Variants in SPAG16 observed in about 807,000 individuals in gnomAD.
SPAG16 encodes sperm associated antigen 16, also known as sperm-associated antigen 16 protein.
A neutral mutation model predicts 80.4 loss-of-function variants in SPAG16; 86 were observed. The ratio of observed to expected loss-of-function variants is 1.07; its 90% confidence interval spans 0.90 to 1.28. The LOEUF (loss-of-function observed/expected upper bound fraction) is 1.28. Ranked by LOEUF, SPAG16 falls within the 50% of genes most tolerant of loss-of-function variation. The pLI is 0.00. For missense variants in SPAG16, 870 were observed against 765.3 expected (o/e 1.14, Z -1.61); for synonymous variants, 294 against 265.9 (o/e 1.11, Z -1.03).
chr2:213,697,227 G>C (rs994744173), intron 10 of SPAG16, among the ~76,000 whole-genome samples: 3 of 152,320 alleles, frequency 2.0e-5, no homozygotes, highest in Non-Finnish European at 4.4e-5. Context: ...GGGTGGAAAA[G>C]AGGTAGGGCT....
chr2:214,000,286 C>T (rs529510120), intron 12 of SPAG16, among the ~76,000 whole-genome samples: 14 of 152,222 alleles, frequency 9.2e-5, no homozygotes, highest in Admixed American at 3.3e-4. Context: ...ATAAGTCTCA[C>T]GAGTTCTGAC....
chr2:213,416,338 T>G (rs17750829), intron 9 of SPAG16, among the ~76,000 whole-genome samples: 1,987 of 152,290 alleles, frequency 0.013, 21 homozygotes, highest in South Asian at 0.037. Context: ...AGGGACCAGA[T>G]CTTTGTATGA....
chr2:214,364,197 T>C (rs1226889940), intron 15 of SPAG16, among the ~76,000 whole-genome samples: 1 of 152,092 alleles, frequency 6.6e-6, no homozygotes, highest in Non-Finnish European at 1.5e-5. Flanking sequence ...TCTACTCTAC[T>C]ATAGTATCCC....
chr2:213,734,192 A>T (rs574470913), intron 10 of SPAG16, among the ~76,000 whole-genome samples: 1 of 152,310 alleles, frequency 6.6e-6, no homozygotes, highest in South Asian at 2.1e-4. Flanking sequence ...GGGAGGAAAG[A>T]ATTGCAAGGA....
intron 12 of SPAG16, among the ~76,000 whole-genome samples, chr2:213,961,433 G>A (rs2044412020): frequency 6.6e-6 from 1 of 151,846 alleles, no homozygotes; most frequent in African/African-American, 2.4e-5. Context: ...GTAGTGCAAT[G>A]TTGAATAGAA....
At chr2:213,315,517 T>C (rs1382568757) in intron 4 of SPAG16, among the ~76,000 whole-genome samples, 11 of 151,944 alleles carry the variant, frequency 7.2e-5, no homozygotes, top group African/African-American at 2.7e-4. Flanking sequence ...TCTCACATTT[T>C]AAAAAAGGAA....
intron 13 of SPAG16, among the ~76,000 whole-genome samples, chr2:214,042,009 C>T (rs192600972): frequency 0.44 from 42,165 of 95,720 alleles, 7,927 homozygotes; most frequent in East Asian, 0.61. Flanking sequence ...TATATATATA[C>T]ACACACACAC....
intron 11 of SPAG16, among the ~76,000 whole-genome samples, chr2:213,904,161 A>C (rs2106136934): frequency 6.6e-6 from 1 of 152,268 alleles, no homozygotes; most frequent in East Asian, 1.9e-4. Context: ...CCAGTTCCAA[A>C]GTCGGTTCCA....
At chr2:214,330,645 A>AT (rs1696851398) in intron 15 of SPAG16, among the ~76,000 whole-genome samples, 1 of 149,476 alleles carries the variant, frequency 6.7e-6, no homozygotes, top group African/African-American at 2.6e-5. Context: ...AGGGTTTGAA[A>AT]CTTTGACCCC....
chr2:213,894,566 C>G (rs1438960591), intron 11 of SPAG16, among the ~76,000 whole-genome samples: 3 of 152,088 alleles, frequency 2.0e-5, no homozygotes, highest in African/African-American at 7.2e-5. Context: ...CTTTACCACT[C>G]TTATTCAAAA....
chr2:213,361,029 T>C (rs2065949804), intron 7 of SPAG16, among the ~76,000 whole-genome samples: 2 of 152,102 alleles, frequency 1.3e-5, no homozygotes, highest in African/African-American at 2.4e-5. Flanking sequence ...TAAAGAAGGA[T>C]TGTATAATAA....
chr2:214,057,026 A>G (rs558860252), intron 13 of SPAG16, among the ~76,000 whole-genome samples: 2 of 152,236 alleles, frequency 1.3e-5, no homozygotes, highest in South Asian at 4.1e-4. Context: ...TATTTTCACC[A>G]CATTTGCAGT....
intron 10 of SPAG16, among the ~76,000 whole-genome samples, chr2:213,825,701 C>CTTTTTTTTTTTTTTTT (rs55777958): frequency 2.7e-3 from 291 of 109,676 alleles, no homozygotes; most frequent in Middle Eastern, 5.3e-3. Context: ...TTCTTTCTTT[C>CTTTTTTTTTTTTTTTT]TTTTTTTTTT....
At chr2:214,240,562 C>A (rs921394719) in intron 15 of SPAG16, 6 of 152,142 alleles carry the variant, frequency 3.9e-5, no homozygotes, top group Admixed American at 6.5e-5. Context: ...GAATGACAAT[C>A]AAGATAGAAG....
chr2:213,666,608 C>T (rs1456681246), intron 10 of SPAG16, among the ~76,000 whole-genome samples: 2 of 152,106 alleles, frequency 1.3e-5, no homozygotes, highest in East Asian at 3.8e-4. Context: ...TAAGCTTTGC[C>T]CTCACCCACT....
At chr2:214,020,817 A>C (rs1393959618) in intron 13 of SPAG16, among the ~76,000 whole-genome samples, 1 of 152,206 alleles carries the variant, frequency 6.6e-6, no homozygotes, top group Admixed American at 6.5e-5. Context: ...CAAACATTTT[A>C]ATACTATGTG....
At chr2:213,810,016 C>A (rs977188186) in intron 10 of SPAG16, among the ~76,000 whole-genome samples, 1 of 152,016 alleles carries the variant, frequency 6.6e-6, no homozygotes, top group Non-Finnish European at 1.5e-5. Flanking sequence ...AGGATAGAAG[C>A]CCTAAGGGGG....
chr2:213,907,581 C>T (rs561184224), intron 11 of SPAG16, among the ~76,000 whole-genome samples: 2 of 152,164 alleles, frequency 1.3e-5, no homozygotes, highest in African/African-American at 2.4e-5. Context: ...GATAACTGTA[C>T]TCCTATGTTT....
At chr2:213,315,437 G>A (rs889666477) in intron 4 of SPAG16, among the ~76,000 whole-genome samples, 6 of 151,650 alleles carry the variant, frequency 4.0e-5, no homozygotes, top group African/African-American at 1.2e-4. Context: ...TAATCGTCCC[G>A]CTTTTACCTC....
Sources: allele counts gnomAD v4.1 joint callset (sites outside exome capture counted in the v4.1 genomes callset), GRCh38; gene constraint gnomAD v4.1.1; transcripts MANE v1.5; gene names NCBI Gene and HGNC (gene_info 2026-07-23, HGNC 2026-07-21).